RAP1GAP2: variants seen among roughly 807,000 people sequenced by gnomAD.
The protein encoded by RAP1GAP2 is RAP1 GTPase activating protein 2, also known as rap1 GTPase-activating protein 2.
In RAP1GAP2, 27 loss-of-function variants were observed where a neutral mutation model predicts 95.0. The ratio of observed to expected loss-of-function variants is 0.28; its 90% CI spans 0.21 to 0.39. The LOEUF is 0.39. Among genes scored for constraint, RAP1GAP2 ranks in the 10% least tolerant of loss-of-function variants. The pLI, the probability that RAP1GAP2 is intolerant of heterozygous loss-of-function variation, is 1.00. For missense variants in RAP1GAP2, 771 were observed against 970.0 expected, an observed-to-expected ratio of 0.79 and a Z score of 2.72; for synonymous variants, 373 against 380.9, an observed-to-expected ratio of 0.98 and a Z score of 0.24.
chr17:2,847,072 G>T (rs773148549), intron 2 of RAP1GAP2, among the ~76,000 whole-genome samples: 7 of 152,050 alleles, frequency 4.6e-5, no homozygotes, highest in South Asian at 4.2e-4. Context: ...GCAGTGGCGC[G>T]ATCTCGGCTC....
At chr17:2,810,820 C>T (rs370887626) in intron 2 of RAP1GAP2, among the ~76,000 whole-genome samples, 7 of 152,008 alleles carry the variant, frequency 4.6e-5, no homozygotes, top group African/African-American at 1.7e-4. Flanking sequence ...TGAGCCACCG[C>T]GCCTGGCCAA....
At position 3,005,870 on chromosome 17, in the gene RAP1GAP2, G is replaced by A. The variant is rs1016354186; in HGVS notation, c.1273-85G>A. ...TTTCAGGGGTTCTCCCCATGGCCCC[G>A]GCTCTGCCTGCCTGTCACTGTGGCT... On this transcript the variant is annotated intron_variant, in intron 15 of 24. Coordinates refer to ENST00000254695, the MANE Select transcript of RAP1GAP2 (RefSeq NM_015085.5). This position sits in a 1 kb window ranked among gnomAD's most constrained non-coding sequence, Gnocchi z 5.2. The A allele has an allele frequency of 2.4e-5, 31 of 1,310,206 alleles. 1 individual carries two copies. The highest frequency in any genetic ancestry group is 1.8e-4 in the Middle Eastern group (1 of 5,506). 81.2% of individuals were successfully genotyped at this position (1,310,206 alleles called of 1,614,324 possible).
At chr17:2,910,807 C>A (rs1232036772) in intron 3 of RAP1GAP2, among the ~76,000 whole-genome samples, 2 of 152,184 alleles carry the variant, frequency 1.3e-5, no homozygotes, top group Admixed American at 1.3e-4. Flanking sequence ...CTCCCTGCAA[C>A]CTCCGTCTCC....
At chr17:2,846,064 T>A (rs2071574126) in intron 2 of RAP1GAP2, among the ~76,000 whole-genome samples, 1 of 151,754 alleles carries the variant, frequency 6.6e-6, no homozygotes, top group African/African-American at 2.4e-5. Context: ...GAGCCTGTAA[T>A]CCCAGCTACT....
chr17:2,831,264 A>T (rs1567688938), intron 2 of RAP1GAP2, among the ~76,000 whole-genome samples: 1 of 149,056 alleles, frequency 6.7e-6, no homozygotes, highest in Non-Finnish European at 1.5e-5. Context: ...TTTAGTAGAG[A>T]TGGGATTTCA....
Position 2,796,981 on chromosome 17 carries a change from A to G in RAP1GAP2, c.44+410A>G, listed in dbSNP as rs140278381. On this transcript the variant is annotated intron_variant, in intron 1 of 24. Coordinates refer to ENST00000254695, the MANE Select transcript of RAP1GAP2 (RefSeq NM_015085.5). This position sits in a 1 kb window ranked among gnomAD's most constrained non-coding sequence, Gnocchi z 4.7. ...GTGGCTGTGACTGCCAGTCCGTGTG[A>G]CCGTGTGTGAGGTGTGTGCCTGTGC... 6.4e-3 allele frequency among the ~76,000 whole-genome samples: 968 copies of G among 151,664 alleles called. 7 individuals carry two copies. Among genetic ancestry groups the G allele is most frequent in the South Asian group, 0.029 (137 of 4,786 alleles).
chr17:2,931,921 A>G (rs1185424250), intron 3 of RAP1GAP2, among the ~76,000 whole-genome samples: 1 of 152,118 alleles, frequency 6.6e-6, no homozygotes, highest in African/African-American at 2.4e-5. Context: ...TCAGAAGCAC[A>G]AGCCCCCCAA....
chr17:2,828,420 GA>G (rs199805745), intron 2 of RAP1GAP2, among the ~76,000 whole-genome samples: 21 of 145,244 alleles, frequency 1.4e-4, no homozygotes, highest in East Asian at 2.0e-4. Flanking sequence ...AGTGAAAGTT[GA>G]AAAAAAAAAA....
chr17:2,878,894 C>T (rs1162841532), intron 2 of RAP1GAP2, among the ~76,000 whole-genome samples: 4 of 152,212 alleles, frequency 2.6e-5, no homozygotes, highest in East Asian at 3.9e-4. Flanking sequence ...TTTTCTCATC[C>T]GTGTGATGGG....
intron 2 of RAP1GAP2, among the ~76,000 whole-genome samples, chr17:2,813,364 G>T (rs962925937): frequency 6.6e-6 from 1 of 152,026 alleles, no homozygotes; most frequent in South Asian, 2.1e-4. Context: ...CGTGAGCTGC[G>T]GTGCCCAACT....
intron 1 of RAP1GAP2, among the ~76,000 whole-genome samples, chr17:2,785,812 C>T (rs1037052092): frequency 1.3e-5 from 2 of 151,514 alleles, no homozygotes; most frequent in South Asian, 2.1e-4. Context: ...TGACCTTGGA[C>T]GAGTCTCTTA....
chr17:2,885,222 T>TG (rs1321690469), intron 2 of RAP1GAP2, among the ~76,000 whole-genome samples: 1 of 151,910 alleles, frequency 6.6e-6, no homozygotes, highest in African/African-American at 2.4e-5. Flanking sequence ...CTGGTAGAGA[T>TG]GGGGTTTCCC....
rs2046402589 is a variant in RAP1GAP2, at chr17:3,008,409, A to G, written c.1494+264A>G. 6.6e-6 allele frequency among the ~76,000 whole-genome samples: 1 copy of G among 152,330 alleles called. No homozygotes were observed. The highest frequency in any genetic ancestry group is 1.9e-4 in the East Asian group (1 of 5,184). ...CTCCGGGCCCAGAAGTCTGTTAAGC[A>G]GGGACAGGTAAAGAGGTAGCAGTAG... On this transcript the variant is annotated intron_variant, in intron 17 of 24. Coordinates refer to ENST00000254695, the MANE Select transcript of RAP1GAP2 (RefSeq NM_015085.5). The surrounding 1 kb of genome is among the most constrained non-coding windows in gnomAD (Gnocchi z 4.2).
At chr17:2,957,277 G>A (rs756416318) in intron 3 of RAP1GAP2, among the ~76,000 whole-genome samples, 2 of 152,162 alleles carry the variant, frequency 1.3e-5, no homozygotes, top group African/African-American at 2.4e-5. Flanking sequence ...GTGGCATAGC[G>A]GGCCCTCCCC....
At chr17:2,805,810 G>A (rs982425902) in intron 2 of RAP1GAP2, among the ~76,000 whole-genome samples, 1 of 152,144 alleles carries the variant, frequency 6.6e-6, no homozygotes, top group Non-Finnish European at 1.5e-5. Context: ...AGCTACCTGA[G>A]GTGACCGTCA....
chr17:2,988,788 G>A (rs1280698725), intron 11 of RAP1GAP2, among the ~76,000 whole-genome samples: 1 of 152,220 alleles, frequency 6.6e-6, no homozygotes, highest in Non-Finnish European at 1.5e-5. Flanking sequence ...CCGGCCGGGC[G>A]CAGTGGCTCA....
chr17:2,977,442 A>G (rs1190140682), intron 8 of RAP1GAP2, among the ~76,000 whole-genome samples: 2 of 152,090 alleles, frequency 1.3e-5, no homozygotes, highest in Admixed American at 1.3e-4. Context: ...TCTTTATTAT[A>G]CAAACTATTT....
intron 17 of RAP1GAP2, among the ~76,000 whole-genome samples, chr17:3,014,181 TTGGCTATAGGGCGCG>T (rs1231708279): frequency 3.9e-5 from 1 of 25,836 alleles, no homozygotes; most frequent in African/African-American, 1.3e-4. Context: ...AGGACACACG[TTGGCTATAGGGCGCG>T]TGGCTGCCAG....
chr17:2,813,518 C>A (rs1026277635), intron 2 of RAP1GAP2, among the ~76,000 whole-genome samples: 3 of 280 alleles, frequency 0.011, no homozygotes, highest in African/African-American at 0.021. Context: ...TCCTGGTGGG[C>A]GTGAGCCCTC....
Sources: gnomAD v4.1 joint callset for allele counts (sites outside exome capture counted in the v4.1 genomes callset) on GRCh38, gnomAD v4.1.1 for gene constraint, Gnocchi (gnomAD v3.1) non-coding constraint, MANE v1.5 for transcripts, NCBI Gene and HGNC (gene_info 2026-07-23, HGNC 2026-07-21) for gene names.